MAPKAP1: variants seen among roughly 807,000 people sequenced by gnomAD.
The protein encoded by MAPKAP1 is MAPK associated protein 1, also known as target of rapamycin complex 2 subunit MAPKAP1.
Under a neutral mutation model 65.7 loss-of-function variants are expected in MAPKAP1, and 20 were observed. The ratio of observed to expected loss-of-function variants is 0.30; its 90% confidence interval spans 0.21 to 0.44. The LOEUF (loss-of-function observed/expected upper bound fraction) is 0.44. Ranked by LOEUF, MAPKAP1 falls within the 20% of genes least tolerant of loss-of-function variation. MAPKAP1 has a pLI of 1.00. For synonymous variants in MAPKAP1, 222 were observed against 244.3 expected (o/e 0.91, Z 0.85); for missense variants, 423 against 648.0 (o/e 0.65, Z 3.77).
intron 1 of MAPKAP1, among the ~76,000 whole-genome samples, chr9:125,699,845 G>A (rs146251069): frequency 2.0e-4 from 30 of 152,014 alleles, no homozygotes; most frequent in African/African-American, 6.8e-4. Flanking sequence ...GAACTCCCAA[G>A]CTCAAGCAAT....
chr9:125,665,656 A>C lies in MAPKAP1; in HGVS notation c.349+4162T>G, dbSNP rs10121791. ...ACAAAAAACAAAAAACAAAAAAAAA[A>C]CATAACTTTGTGGGCCCCAACCCCC... On this transcript the variant is annotated intron_variant, in intron 3 of 11. Coordinates refer to ENST00000265960, the MANE Select transcript of MAPKAP1 (RefSeq NM_001006617.3). Among the ~76,000 whole-genome samples the C allele has an allele frequency of 9.8e-3, 1,497 of 152,190 alleles. 22 individuals carry two copies. The highest frequency in any genetic ancestry group is 0.034 in the African/African-American group (1,417 of 41,518).
chr9:125,687,940 C>T (rs1029398104), intron 1 of MAPKAP1, among the ~76,000 whole-genome samples: 1 of 152,172 alleles, frequency 6.6e-6, no homozygotes, highest in Non-Finnish European at 1.5e-5. Flanking sequence ...TCCTGATGAA[C>T]AAAAGACAGC....
At chr9:125,647,934 CTTTTTT>C (rs59735781) in intron 4 of MAPKAP1, among the ~76,000 whole-genome samples, 1 of 140,592 alleles carries the variant, frequency 7.1e-6, no homozygotes, top group African/African-American at 2.6e-5. Flanking sequence ...GTCCCAATAT[CTTTTTT>C]TTTTTTTTTT....
At chr9:125,546,477 C>A (rs557164242) in intron 6 of MAPKAP1, among the ~76,000 whole-genome samples, 1 of 152,144 alleles carries the variant, frequency 6.6e-6, no homozygotes, top group Non-Finnish European at 1.5e-5. Flanking sequence ...TGGTTCTCAG[C>A]CTCCGTCTAG....
intron 1 of MAPKAP1, among the ~76,000 whole-genome samples, chr9:125,704,480 C>T (rs111744098): frequency 0.014 from 2,136 of 152,312 alleles, 19 homozygotes; most frequent in South Asian, 0.041. Flanking sequence ...TGCACACACA[C>T]AGACATCTCC....
intron 8 of MAPKAP1, among the ~76,000 whole-genome samples, chr9:125,501,945 T>C (rs1828993713): frequency 6.6e-6 from 1 of 152,138 alleles, no homozygotes; most frequent in South Asian, 2.1e-4. Flanking sequence ...TTGTTGGCCT[T>C]TTCAAAGAAC....
intron 9 of MAPKAP1, among the ~76,000 whole-genome samples, chr9:125,479,444 G>A (rs1303073677): frequency 5.3e-5 from 8 of 152,264 alleles, no homozygotes; most frequent in African/African-American, 1.9e-4. Context: ...GTTGAGCGTG[G>A]TGGTGCATGC....
intron 8 of MAPKAP1, among the ~76,000 whole-genome samples, chr9:125,499,854 GTGTGTGC>G (rs570771336): frequency 6.3e-4 from 96 of 152,230 alleles, no homozygotes; most frequent in Admixed American, 1.3e-3. Flanking sequence ...AGGTGTGGTA[GTGTGTGC>G]CCGTAATCAT....
Position 125,484,592 on chromosome 9 carries a change from GA to G in MAPKAP1, c.1067-10del. The stretch of plus-strand genomic sequence containing the variant: ...CCCGTCTGCCCTTGAACCTGGGGAG[GA>G]AAAGGCAGTTTAACACATAAAGATA... On this transcript the variant is annotated splice_polypyrimidine_tract_variant and intron_variant, in intron 8 of 11. Coordinates refer to ENST00000265960, the MANE Select transcript of MAPKAP1 (RefSeq NM_001006617.3). 1.2e-6 allele frequency: 2 copies of G among 1,603,728 alleles called. No individual in the cohort carries two copies. Among genetic ancestry groups the G allele is most frequent in the Non-Finnish European group, 1.7e-6 (2 of 1,175,124 alleles).
chr9:125,510,154 T>C (rs1829256984), intron 7 of MAPKAP1, among the ~76,000 whole-genome samples: 1 of 152,144 alleles, frequency 6.6e-6, no homozygotes, highest in African/African-American at 2.4e-5. Context: ...TGAAGTAACT[T>C]GCCCAAGATC....
At chr9:125,611,589 C>T (rs1832602271) in intron 4 of MAPKAP1, among the ~76,000 whole-genome samples, 1 of 151,920 alleles carries the variant, frequency 6.6e-6, no homozygotes, top group African/African-American at 2.4e-5. Context: ...CCAATGAATG[C>T]AAAAGAAGAA....
intron 4 of MAPKAP1, among the ~76,000 whole-genome samples, chr9:125,610,183 CTCTT>C (rs145675862): frequency 0.026 from 4,035 of 152,306 alleles, 176 homozygotes; most frequent in African/African-American, 0.093. Flanking sequence ...TAAACACAAA[CTCTT>C]TCTCTTCATT....
chr9:125,448,261 G>C (rs1564514324), intron 10 of MAPKAP1, among the ~76,000 whole-genome samples: 1 of 152,140 alleles, frequency 6.6e-6, no homozygotes, highest in African/African-American at 2.4e-5. Context: ...TTTCACAACA[G>C]AATAATAGCT....
intron 4 of MAPKAP1, among the ~76,000 whole-genome samples, chr9:125,644,507 G>A (rs892268520): frequency 2.6e-5 from 4 of 152,146 alleles, no homozygotes; most frequent in Admixed American, 6.5e-5. Context: ...ATGTAATATC[G>A]AAGTCACACC....
intron 5 of MAPKAP1, among the ~76,000 whole-genome samples, chr9:125,566,561 T>TGAAAAAGAAAAAGAAAAA (rs72228008): frequency 1.3e-4 from 19 of 147,790 alleles, no homozygotes; most frequent in African/African-American, 4.8e-4. Flanking sequence ...GACACTGTCT[T>TGAAAAAGAAAAAGAAAAA]GAAAAAGAAA....
intron 4 of MAPKAP1, among the ~76,000 whole-genome samples, chr9:125,633,425 T>C (rs1564593767): frequency 6.6e-6 from 1 of 152,208 alleles, no homozygotes; most frequent in African/African-American, 2.4e-5. Flanking sequence ...TGAATTCTTA[T>C]TTTAAATATA....
intron 4 of MAPKAP1, among the ~76,000 whole-genome samples, chr9:125,636,473 CTG>C (rs1833428049): frequency 6.6e-6 from 1 of 152,218 alleles, no homozygotes; most frequent in African/African-American, 2.4e-5. Context: ...AACTCTGTAA[CTG>C]TGGCTTTTGC....
chr9:125,473,668 C>T (rs1056517590), intron 9 of MAPKAP1, among the ~76,000 whole-genome samples: 7 of 152,288 alleles, frequency 4.6e-5, no homozygotes, highest in Admixed American at 2.6e-4. Context: ...ATTAGCACCG[C>T]GTAGCATCTT....
At position 125,666,161 on chromosome 9, in the gene MAPKAP1, G is replaced by A. The variant is rs541545970; in HGVS notation, c.349+3657C>T. 3.3e-5 allele frequency among the ~76,000 whole-genome samples: 5 copies of A among 152,312 alleles called. No individual in the cohort carries two copies. The South Asian group carries it at 1.0e-3, about 32-fold the overall frequency. ...CAAAGCACCCTTCTGATGACACCAT[G>A]TTCTTATCTATCCATGCAGTTTTAG... On this transcript the variant is annotated intron_variant, in intron 3 of 11. Transcript: ENST00000265960.
Sources: allele counts gnomAD v4.1 joint callset (sites outside exome capture counted in the v4.1 genomes callset), GRCh38; gene constraint gnomAD v4.1.1; transcripts MANE v1.5; gene names NCBI Gene and HGNC (gene_info 2026-07-23, HGNC 2026-07-21).